Variants in PRDM12 observed in about 807,000 individuals in gnomAD.
The protein encoded by PRDM12 is PR/SET domain 12, also known as PR domain zinc finger protein 12.
Under a neutral mutation model 29.6 loss-of-function variants are expected in PRDM12, and 17 were observed. The observed-to-expected ratio is 0.57, with a 90% CI of 0.39 to 0.86. The LOEUF (loss-of-function observed/expected upper bound fraction) is 0.86. Among genes scored for constraint, PRDM12 ranks in the 40% least tolerant of loss-of-function variants. The pLI, the probability that PRDM12 is intolerant of heterozygous loss-of-function variation, is 0.00. For missense variants in PRDM12, 422 were observed against 510.8 expected (o/e 0.83, Z 1.68); for synonymous variants, 231 against 225.8 (o/e 1.02, Z -0.21).
intron 4 of PRDM12, among the ~76,000 whole-genome samples, chr9:130,679,330 C>CTT (rs68186892): frequency 4.5e-4 from 53 of 116,524 alleles, no homozygotes; most frequent in Non-Finnish European, 6.8e-4. Context: ...TTCTTTCTTC[C>CTT]TTTTTTTTTT....
In PRDM12 at chr9:130,681,925, T is replaced by A; in HGVS notation, c.*256T>A. Reference sequence around the variant, plus strand: ...TTCGGCCGCCTCCTCTGGGAGGGGGTCCCCCTGCCTGGCCTCGCCCCCGAG... The same window carrying A: ...TTCGGCCGCCTCCTCTGGGAGGGGGACCCCCTGCCTGGCCTCGCCCCCGAG... On this transcript the variant is annotated 3_prime_UTR_variant, in exon 5 of 5. Coordinates refer to ENST00000253008, the MANE Select transcript of PRDM12 (RefSeq NM_021619.3). The surrounding 1 kb of genome is among the most constrained non-coding windows in gnomAD (Gnocchi z 8.1). 1.0e-5 allele frequency: 2 copies of A among 191,534 alleles called. No individual in the cohort carries two copies. Among genetic ancestry groups the A allele is most frequent in the Non-Finnish European group, 1.9e-5 (2 of 105,664 alleles). 11.9% of individuals were successfully genotyped at this position (191,534 alleles called of 1,614,324 possible).
intron 3 of PRDM12, among the ~76,000 whole-genome samples, chr9:130,676,256 C>G (rs941580421): frequency 6.6e-6 from 1 of 151,996 alleles, no homozygotes; most frequent in Non-Finnish European, 1.5e-5. Context: ...TTTGGGAGAC[C>G]GAGGCGGGCG....
chr9:130,666,940 A>T, intron 2 of PRDM12, 142 bp downstream of exon 2: 2 of 1,175,016 alleles, frequency 1.7e-6, no homozygotes, highest in Non-Finnish European at 2.3e-6. Flanking sequence ...CTGAGCCGGG[A>T]CTCTAAGCCG....
intron 2 of PRDM12, among the ~76,000 whole-genome samples, chr9:130,667,112 C>T (rs913530085): frequency 1.3e-5 from 2 of 152,218 alleles, no homozygotes; most frequent in African/African-American, 2.4e-5. Context: ...GCCCAGGGTC[C>T]CCACGCGCCA....
At chr9:130,667,722 C>T (rs912857060) in intron 2 of PRDM12, among the ~76,000 whole-genome samples, 3 of 152,166 alleles carry the variant, frequency 2.0e-5, no homozygotes, top group Admixed American at 6.5e-5. Context: ...GGGTTTAGGC[C>T]AAGCTGGAGT....
intron 3 of PRDM12, among the ~76,000 whole-genome samples, chr9:130,676,800 T>G (rs1172859950): frequency 1.3e-5 from 2 of 152,196 alleles, no homozygotes; most frequent in Non-Finnish European, 2.9e-5. Flanking sequence ...CATGGGGGCA[T>G]GTGGAAATGG....
intron 3 of PRDM12, among the ~76,000 whole-genome samples, chr9:130,676,610 C>T (rs1816831475): frequency 6.6e-6 from 1 of 152,352 alleles, no homozygotes; most frequent in Middle Eastern, 3.4e-3. Context: ...TGGACAGTGG[C>T]CATTACTGTG....
chr9:130,681,552 G>C lies in PRDM12; in HGVS notation c.987G>C (p.Ala329=), dbSNP rs771967985. Residue 329 remains alanine (A), a synonymous_variant, in exon 5 of 5, where the codon GCG becomes GCC. Coordinates refer to ENST00000253008, the MANE Select transcript of PRDM12 (RefSeq NM_021619.3). This position sits in a 1 kb window ranked among gnomAD's most constrained non-coding sequence, Gnocchi z 8.1. The stretch of plus-strand genomic sequence containing the variant: ...CGCGGCACCGGCCGCCCAGCACCGC[G>C]CTGCAGGCACACTCGCCCGCGCTGC... ...KSARHRPPST[A]LQAHSPALPA... 1 of 1,244,672 alleles carries C rather than the reference G, an allele frequency of 8.0e-7. No individual in the cohort carries two copies. Among genetic ancestry groups the C allele is most frequent in the Non-Finnish European group, 1.0e-6 (1 of 993,464 alleles). The allele number at this position is 1,244,672 out of a possible 1,614,324, so 77.1% of individuals were successfully genotyped here.
At chr9:130,673,088 C>G (rs922766238) in intron 3 of PRDM12, among the ~76,000 whole-genome samples, 3 of 152,150 alleles carry the variant, frequency 2.0e-5, no homozygotes, top group Non-Finnish European at 4.4e-5. Context: ...GTGTCCTGAG[C>G]CTATCCCTGC....
chr9:130,672,085 C>T (rs1328374289), intron 3 of PRDM12, among the ~76,000 whole-genome samples: 1 of 152,212 alleles, frequency 6.6e-6, no homozygotes, highest in East Asian at 1.9e-4. Flanking sequence ...TCCTGGCTTA[C>T]TCCAGTCACA....
At chr9:130,667,087 G>A (rs1830740920) in intron 2 of PRDM12, among the ~76,000 whole-genome samples, 1 of 152,252 alleles carries the variant, frequency 6.6e-6, no homozygotes, top group Non-Finnish European at 1.5e-5. Context: ...GAGACCCAGA[G>A]CAGTCAGGTC....
At chr9:130,679,876 G>A (rs1266328499) in intron 4 of PRDM12, among the ~76,000 whole-genome samples, 1 of 151,416 alleles carries the variant, frequency 6.6e-6, no homozygotes, top group Non-Finnish European at 1.5e-5. Context: ...TGCCCAGCTG[G>A]TCTGGAACTC....
intron 4 of PRDM12, among the ~76,000 whole-genome samples, chr9:130,680,649 ATATATATATATTT>A (rs963365081): frequency 1.6e-4 from 13 of 78,886 alleles, no homozygotes; most frequent in African/African-American, 1.0e-3. Flanking sequence ...ATATATATAT[ATATATATATATTT>A]TTTTTTTTTT....
At chr9:130,679,525 G>T (rs2132605472) in intron 4 of PRDM12, among the ~76,000 whole-genome samples, 1 of 152,052 alleles carries the variant, frequency 6.6e-6, no homozygotes, top group South Asian at 2.1e-4. Flanking sequence ...TAGAGATGGG[G>T]TTTTGTTATG....
At position 130,668,975 on chromosome 9, in the gene PRDM12, T is replaced by A. The variant is rs946342833; in HGVS notation, c.570+662T>A. Among the ~76,000 whole-genome samples the A allele has an allele frequency of 2.0e-5, 3 of 152,140 alleles. No homozygotes were observed. Among genetic ancestry groups the A allele is most frequent in the Non-Finnish European group, 4.4e-5 (3 of 68,016 alleles). On this transcript the variant is annotated intron_variant, in intron 3 of 4. Transcript: ENST00000253008. This position sits in a 1 kb window ranked among gnomAD's most constrained non-coding sequence, Gnocchi z 4.0. ...GGCCATCTGGGGGGAGTGTTAGCAC[T>A]AATAGCTGCGCTTCCTGAGCCTTCT... is the stretch of plus-strand genomic sequence containing the variant.
chr9:130,669,779 G>A (rs1190534286), intron 3 of PRDM12, among the ~76,000 whole-genome samples: 2 of 138,548 alleles, frequency 1.4e-5, no homozygotes, highest in Non-Finnish European at 3.0e-5. Context: ...TGGCACCACT[G>A]TACTCCAGCC....
In PRDM12 at chr9:130,681,287, G is replaced by T; in HGVS notation, c.722G>T (p.Gly241Val). Residue 241 changes from glycine (G) to valine (V), a missense_variant, in exon 5 of 5, where the codon GGC becomes GTC. Transcript: ENST00000253008. The surrounding 1 kb of genome is among the most constrained non-coding windows in gnomAD (Gnocchi z 8.1). Reference protein sequence around the residue: ...HPADSAAGPAGRMRCVICHRG... With the variant: ...HPADSAAGPAVRMRCVICHRG... ...GCGGACTCGGCGGCTGGCCCCGCGG[G>T]CCGCATGCGATGCGTCATCTGCCAC... 1 of 1,499,352 alleles carries T rather than the reference G, an allele frequency of 6.7e-7. No individual in the cohort carries two copies. The highest frequency in any genetic ancestry group is 8.9e-7 in the Non-Finnish European group (1 of 1,118,164). The allele number at this position is 1,499,352 out of a possible 1,614,324, so 92.9% of individuals were successfully genotyped here. A position where few individuals can be genotyped will look rare whatever the true frequency, so the allele number is the denominator to read the frequency against.
chr9:130,671,073 G>A (rs1220825196), intron 3 of PRDM12, among the ~76,000 whole-genome samples: 1 of 152,118 alleles, frequency 6.6e-6, no homozygotes, highest in Non-Finnish European at 1.5e-5. Context: ...GGCAGGGCAT[G>A]GTGGCTCACG....
intron 1 of PRDM12, among the ~76,000 whole-genome samples, chr9:130,665,952 G>C (rs1043963403): frequency 5.3e-5 from 8 of 152,222 alleles, no homozygotes; most frequent in African/African-American, 1.9e-4. Context: ...TGACATCGGG[G>C]TTTGTCTGAG....
Sources: allele counts gnomAD v4.1 joint callset (sites outside exome capture counted in the v4.1 genomes callset), GRCh38; gene constraint gnomAD v4.1.1; non-coding constraint Gnocchi (gnomAD v3.1); transcripts MANE v1.5; gene names NCBI Gene and HGNC (gene_info 2026-07-23, HGNC 2026-07-21).